Variants in LRMDA observed in about 807,000 individuals in gnomAD.
LRMDA encodes leucine rich melanocyte differentiation associated.
Under a neutral mutation model 29.8 loss-of-function variants are expected in LRMDA, and 18 were observed. The observed-to-expected ratio is 0.60, with a 90% CI of 0.42 to 0.90. The LOEUF is 0.90. Ranked by LOEUF, LRMDA falls within the 40% of genes least tolerant of loss-of-function variation. The pLI is 0.00. For missense variants in LRMDA, 273 were observed against 273.9 expected (o/e 1.00, Z 0.02); for synonymous variants, 125 against 109.4 (o/e 1.14, Z -0.89).
chr10:76,046,362 C>T (rs957529032), intron 3 of LRMDA, among the ~76,000 whole-genome samples: 1 of 152,112 alleles, frequency 6.6e-6, no homozygotes, highest in African/African-American at 2.4e-5. Flanking sequence ...GAAGATGGCT[C>T]CTGGAATAAT....
intron 2 of LRMDA, among the ~76,000 whole-genome samples, chr10:75,808,568 G>A (rs1843900109): frequency 6.6e-6 from 1 of 152,164 alleles, no homozygotes. Context: ...GGAGTGCAGT[G>A]GCGTGATCTC....
At position 75,758,445 on chromosome 10, in the gene LRMDA, G is replaced by C. The variant is rs146219333; in HGVS notation, c.132-277563G>C. On this transcript the variant is annotated intron_variant, in intron 2 of 6. Coordinates refer to ENST00000611255, the MANE Select transcript of LRMDA (RefSeq NM_001305581.2). The stretch of plus-strand genomic sequence containing the variant: ...CCACTCAGTGTCATCTTATCCCTCA[G>C]CCCCGGCTGGGACCCGTCAGCGTTG... Among the ~76,000 whole-genome samples the C allele has an allele frequency of 3.6e-4, 55 of 152,276 alleles. 1 individual carries two copies. Among genetic ancestry groups the C allele is most frequent in the African/African-American group, 1.2e-3 (49 of 41,564 alleles).
chr10:75,475,566 C>A (rs1367741918), intron 2 of LRMDA, among the ~76,000 whole-genome samples: 1 of 152,162 alleles, frequency 6.6e-6, no homozygotes, highest in Non-Finnish European at 1.5e-5. Flanking sequence ...ATCGTTGAAG[C>A]CCATTGTTTC....
chr10:75,437,865 C>T (rs1004372499), intron 1 of LRMDA, among the ~76,000 whole-genome samples: 1 of 152,116 alleles, frequency 6.6e-6, no homozygotes, highest in Non-Finnish European at 1.5e-5. Flanking sequence ...ATTTTGTACA[C>T]AGTGGCAACT....
chr10:75,697,850 T>TGTGTGTGTGTGCGCGCGC (rs10664076), intron 2 of LRMDA, among the ~76,000 whole-genome samples: 228 of 151,704 alleles, frequency 1.5e-3, no homozygotes, highest in Middle Eastern at 6.8e-3. Flanking sequence ...TGTGTGTGTG[T>TGTGTGTGTGTGCGCGCGC]GCGTGTGTGT....
At chr10:76,296,292 G>C (rs773510737) in intron 5 of LRMDA, among the ~76,000 whole-genome samples, 1 of 152,216 alleles carries the variant, frequency 6.6e-6, no homozygotes, top group Non-Finnish European at 1.5e-5. Context: ...TGAGGCCAAG[G>C]TTGCACGTTT....
intron 6 of LRMDA, among the ~76,000 whole-genome samples, chr10:76,505,459 T>C (rs544112227): frequency 6.6e-6 from 1 of 152,108 alleles, no homozygotes; most frequent in Non-Finnish European, 1.5e-5. Context: ...GTTCATTTTT[T>C]AAAAATTATT....
At chr10:76,321,088 C>T (rs1161563462) in intron 5 of LRMDA, among the ~76,000 whole-genome samples, 4 of 152,150 alleles carry the variant, frequency 2.6e-5, no homozygotes, top group Non-Finnish European at 4.4e-5. Context: ...TTATTTTCCT[C>T]ATCGACAGAC....
intron 5 of LRMDA, among the ~76,000 whole-genome samples, chr10:76,111,116 T>TA (rs1849571593): frequency 6.6e-6 from 1 of 152,238 alleles, no homozygotes; most frequent in Non-Finnish European, 1.5e-5. Flanking sequence ...CTCCAGTTCT[T>TA]AGCTTGTTAT....
chr10:76,016,087 T>C (rs2132485595), intron 2 of LRMDA, among the ~76,000 whole-genome samples: 1 of 152,360 alleles, frequency 6.6e-6, no homozygotes, highest in East Asian at 1.9e-4. Flanking sequence ...ATTGTTTAAT[T>C]TCCACACGTC....
At chr10:75,741,273 A>T (rs747410436) in intron 2 of LRMDA, among the ~76,000 whole-genome samples, 1 of 152,088 alleles carries the variant, frequency 6.6e-6, no homozygotes, top group African/African-American at 2.4e-5. Flanking sequence ...TGGCTGTAGG[A>T]CTGAGGTCCC....
intron 3 of LRMDA, among the ~76,000 whole-genome samples, chr10:76,043,908 T>C (rs997190781): frequency 1.3e-5 from 2 of 152,224 alleles, no homozygotes; most frequent in Non-Finnish European, 2.9e-5. Flanking sequence ...GAATGTTTCC[T>C]AAGAGGAAAG....
At chr10:76,076,204 G>A (rs777537576) in intron 5 of LRMDA, among the ~76,000 whole-genome samples, 1 of 151,760 alleles carries the variant, frequency 6.6e-6, no homozygotes, top group East Asian at 1.9e-4. Context: ...TTAGCTGGAC[G>A]TGGTGGCGGG....
chr10:75,832,676 A>G (rs1420548036), intron 2 of LRMDA, among the ~76,000 whole-genome samples: 3 of 152,224 alleles, frequency 2.0e-5, no homozygotes, highest in Non-Finnish European at 4.4e-5. Context: ...GCAACGTACA[A>G]AAGAAAGAGG....
At chr10:75,572,237 C>T (rs2132070820) in intron 2 of LRMDA, among the ~76,000 whole-genome samples, 1 of 152,334 alleles carries the variant, frequency 6.6e-6, no homozygotes, top group African/African-American at 2.4e-5. Flanking sequence ...TGGGCATGAG[C>T]CACCGTGCCT....
At chr10:75,905,233 C>T (rs1206417069) in intron 2 of LRMDA, among the ~76,000 whole-genome samples, 1 of 138,760 alleles carries the variant, frequency 7.2e-6, no homozygotes, top group Non-Finnish European at 1.5e-5. Flanking sequence ...CTCTCTCCTG[C>T]CTCTTTTTTT....
chr10:75,767,063 T>C (rs1255457388), intron 2 of LRMDA, among the ~76,000 whole-genome samples: 1 of 152,248 alleles, frequency 6.6e-6, no homozygotes, highest in Non-Finnish European at 1.5e-5. Flanking sequence ...TTTGTGTTGG[T>C]TTCAAGTCTT....
chr10:76,532,147 G>A lies in LRMDA; in HGVS notation c.602-25062G>A, dbSNP rs1040564932. Among the ~76,000 whole-genome samples, 6 of 152,166 alleles carry A rather than the reference G, an allele frequency of 3.9e-5. 1 individual carries two copies. The South Asian group carries it at 1.2e-3, about 32-fold the overall frequency. ...ACCCATCAACCCGTCACCTACATTA[G>A]GTATTTCTCCTAATGCTATCCCTCC... On this transcript the variant is annotated intron_variant, in intron 6 of 6. Coordinates refer to ENST00000611255, the MANE Select transcript of LRMDA (RefSeq NM_001305581.2).
rs75288934 is a variant in LRMDA at position 76,550,873 on chromosome 10, T to C, written c.602-6336T>C. Among the ~76,000 whole-genome samples, 679 of 152,320 alleles carry C rather than the reference T, an allele frequency of 4.5e-3. 2 individuals are homozygous for C. Among genetic ancestry groups the C allele is most frequent in the African/African-American group, 0.015 (636 of 41,564 alleles). ...GTCTTAGTATTTAAGTAGCTTACACTGAAGTAGGATGTTGTGCTAGGAGCC... is the reference window on the plus strand; with the variant it reads ...GTCTTAGTATTTAAGTAGCTTACACCGAAGTAGGATGTTGTGCTAGGAGCC... On this transcript the variant is annotated intron_variant, in intron 6 of 6. Coordinates refer to ENST00000611255, the MANE Select transcript of LRMDA (RefSeq NM_001305581.2).
Sources: gnomAD v4.1 joint callset for allele counts (sites outside exome capture counted in the v4.1 genomes callset) on GRCh38, gnomAD v4.1.1 for gene constraint, MANE v1.5 for transcripts, NCBI Gene and HGNC (gene_info 2026-07-23, HGNC 2026-07-21) for gene names.